N4BP2: variants seen among roughly 807,000 people sequenced by gnomAD.
N4BP2 encodes NEDD4-binding protein 2.
N4BP2 carries 91 observed loss-of-function variants against 152.8 expected under a neutral mutation model. That is an observed-to-expected ratio of 0.60 (90% CI 0.50 to 0.71). The LOEUF is 0.71. N4BP2 is among the 30% of genes least tolerant of loss of function. The pLI is 0.00. For synonymous variants in N4BP2, 646 were observed against 705.3 expected (o/e 0.92, Z 1.33); for missense variants, 1,923 against 2,059.1 (o/e 0.93, Z 1.28).
intron 5 of N4BP2, among the ~76,000 whole-genome samples, chr4:40,107,483 A>G (rs961473730): frequency 6.6e-6 from 1 of 151,730 alleles, no homozygotes; most frequent in Non-Finnish European, 1.5e-5. Context: ...TCCTGGGTTC[A>G]AGTGATTCTT....
intron 2 of N4BP2, among the ~76,000 whole-genome samples, chr4:40,092,008 T>TATATA (rs1491368293): frequency 8.8e-4 from 24 of 27,196 alleles, no homozygotes; most frequent in Admixed American, 2.6e-3. Flanking sequence ...AAAAAAAAAA[T>TATATA]TATATATATA....
intron 7 of N4BP2, among the ~76,000 whole-genome samples, chr4:40,114,150 T>C (rs1368210519): frequency 6.6e-6 from 1 of 152,228 alleles, no homozygotes; most frequent in Non-Finnish European, 1.5e-5. Flanking sequence ...ATAAAAATGT[T>C]AGTCAAGGCA....
At chr4:40,074,836 G>A (rs1016919905) in intron 2 of N4BP2, among the ~76,000 whole-genome samples, 7 of 151,726 alleles carry the variant, frequency 4.6e-5, no homozygotes, top group African/African-American at 1.5e-4. Flanking sequence ...GCAAAACTCC[G>A]TCTCCACTAA....
chr4:40,080,041 T>A (rs1713195771), intron 2 of N4BP2, among the ~76,000 whole-genome samples: 1 of 152,138 alleles, frequency 6.6e-6, no homozygotes, highest in African/African-American at 2.4e-5. Flanking sequence ...CATTCACATT[T>A]CTCCATAATA....
intron 5 of N4BP2, among the ~76,000 whole-genome samples, chr4:40,109,592 C>A (rs1170780184): frequency 6.6e-6 from 1 of 152,036 alleles, no homozygotes; most frequent in East Asian, 1.9e-4. Context: ...GTGGTGCACA[C>A]CTATAGTCCC....
Position 40,120,111 on chromosome 4 carries a change from A to G in N4BP2, c.2000A>G (p.Asp667Gly), listed in dbSNP as rs1336569701. ...DLNKRRKEIS[D>G]MNPSIQSALI... The stretch of plus-strand genomic sequence containing the variant: ...AACAAAAGAAGAAAAGAAATAAGTG[A>G]TATGAATCCTAGCATTCAAAGTGCT... Residue 667 changes from aspartate to glycine, a missense_variant, in exon 9 of 18, where the codon GAT becomes GGT. Coordinates refer to ENST00000261435, the MANE Select transcript of N4BP2 (RefSeq NM_018177.6). 6.2e-7 allele frequency: 1 copy of G among 1,611,786 alleles called. No homozygotes were observed. The highest frequency in any genetic ancestry group is 2.2e-5 in the East Asian group (1 of 44,832).
At chr4:40,086,107 C>T (rs1171586689) in intron 2 of N4BP2, among the ~76,000 whole-genome samples, 1 of 149,134 alleles carries the variant, frequency 6.7e-6, no homozygotes, top group Admixed American at 6.7e-5. Flanking sequence ...GCTGGGATTA[C>T]AGGCCTGCCA....
chr4:40,060,970 TTTC>T (rs1320406732), intron 1 of N4BP2, among the ~76,000 whole-genome samples: 1 of 151,992 alleles, frequency 6.6e-6, no homozygotes. Context: ...TTTCTTTTCT[TTTC>T]TTCTTCTTTT....
rs754268777 is a variant in N4BP2 at position 40,102,204 on chromosome 4, G to C, written c.359G>C (p.Arg120Pro). Residue 120 changes from arginine (R) to proline (P), a missense_variant, in exon 4 of 18, where the codon CGT becomes CCT. Arg to Pro is a moderately radical substitution (Grantham distance 103). Coordinates refer to ENST00000261435, the MANE Select transcript of N4BP2 (RefSeq NM_018177.6). ...GCAGAAAGTAAAATAATGGAAAAAC[G>C]TCCTGAAGAAGAGAGTGAAGATTCA... ...GAAESKIMEKRPEEESEDSKM... is the reference protein window; with the variant it reads ...GAAESKIMEKPPEEESEDSKM... 2 of 1,613,926 alleles carry C rather than the reference G, an allele frequency of 1.2e-6. No homozygotes were observed. Among genetic ancestry groups the C allele is most frequent in the South Asian group, 2.2e-5 (2 of 91,066 alleles).
intron 2 of N4BP2, among the ~76,000 whole-genome samples, chr4:40,083,508 T>C (rs1246109985): frequency 2.0e-5 from 3 of 152,148 alleles, no homozygotes; most frequent in Non-Finnish European, 2.9e-5. Flanking sequence ...GCAGTATCGG[T>C]GAAGTACCAA....
At chr4:40,078,888 T>A (rs1237466935) in intron 2 of N4BP2, among the ~76,000 whole-genome samples, 2 of 152,082 alleles carry the variant, frequency 1.3e-5, no homozygotes, top group Admixed American at 6.6e-5. Flanking sequence ...TTGTTTTTTT[T>A]AAGAAAATCT....
At chr4:40,179,622 T>C in the N4BP2 span, among the ~76,000 whole-genome samples, 1 of 152,294 alleles carries the variant, frequency 6.6e-6, no homozygotes, top group East Asian at 1.9e-4. Context: ...CACAGCATAA[T>C]CAAGATTTAA....
intron 2 of N4BP2, among the ~76,000 whole-genome samples, chr4:40,083,859 T>C (rs1049999667): frequency 6.6e-6 from 1 of 152,120 alleles, no homozygotes; most frequent in African/African-American, 2.4e-5. Context: ...CTGGTATAAG[T>C]AGAAATTTGG....
At chr4:40,068,885 G>A (rs1158034047) in intron 1 of N4BP2, among the ~76,000 whole-genome samples, 1 of 152,142 alleles carries the variant, frequency 6.6e-6, no homozygotes, top group Non-Finnish European at 1.5e-5. Context: ...TTGGGAGACC[G>A]AGGCAGGTGG....
At chr4:40,087,266 TA>T (rs201695131) in intron 2 of N4BP2, among the ~76,000 whole-genome samples, 3,688 of 151,054 alleles carry the variant, frequency 0.024, 52 homozygotes, top group Middle Eastern at 0.041. Context: ...TCCCCTCCTT[TA>T]AAAAAAAAAT....
chr4:40,180,385 T>G, the N4BP2 span, among the ~76,000 whole-genome samples: 1 of 152,168 alleles, frequency 6.6e-6, no homozygotes, highest in Non-Finnish European at 1.5e-5. Context: ...AAATTTCTGA[T>G]AAAATCTAAA....
the N4BP2 span, among the ~76,000 whole-genome samples, chr4:40,184,189 A>G: frequency 0.011 from 1,620 of 152,316 alleles, 26 homozygotes; most frequent in African/African-American, 0.037. Context: ...CATCTATGTT[A>G]AACGTGGGAC....
chr4:40,077,585 C>T (rs1405764808), intron 2 of N4BP2, among the ~76,000 whole-genome samples: 1 of 151,842 alleles, frequency 6.6e-6, no homozygotes, highest in Non-Finnish European at 1.5e-5. Context: ...ATCTGAGTAG[C>T]TGGAATTACA....
chr4:40,124,073 T>TTA, intron 10 of N4BP2, 87 bp from the exon 11 acceptor site: 1 of 981,930 alleles, frequency 1.0e-6, no homozygotes, highest in Non-Finnish European at 1.6e-6. Context: ...GGAGAAATGA[T>TTA]TTCTAGAGAA....
Sources: allele counts gnomAD v4.1 joint callset (sites outside exome capture counted in the v4.1 genomes callset), GRCh38; gene constraint gnomAD v4.1.1; transcripts MANE v1.5; gene names NCBI Gene and HGNC (gene_info 2026-07-23, HGNC 2026-07-21).